Variants in KCNJ3 observed in about 807,000 individuals in gnomAD.
KCNJ3 encodes the protein G protein-activated inward rectifier potassium channel 1.
Under a neutral mutation model 39.2 loss-of-function variants are expected in KCNJ3, and 4 were observed. That is an observed-to-expected ratio of 0.10 (90% CI 0.05 to 0.23). The LOEUF is 0.23. Among genes scored for constraint, KCNJ3 ranks in the 10% least tolerant of loss-of-function variants. The pLI is 1.00. For synonymous variants in KCNJ3, 230 were observed against 237.4 expected, an observed-to-expected ratio of 0.97 and a Z score of 0.29; for missense variants, 276 against 634.9, an observed-to-expected ratio of 0.43 and a Z score of 6.08.
intron 2 of KCNJ3, among the ~76,000 whole-genome samples, chr2:154,775,821 T>C (rs1558871077): frequency 6.6e-6 from 1 of 152,130 alleles, no homozygotes; most frequent in Non-Finnish European, 1.5e-5. Context: ...TTTGGGAAGA[T>C]ATAAAAAGTA....
At position 154,698,847 on chromosome 2, in the gene KCNJ3, G is replaced by A; in HGVS notation, c.72G>A (p.Leu24=). The A allele has an allele frequency of 1.2e-6, 2 of 1,614,180 alleles. No individual in the cohort carries two copies. The highest frequency in any genetic ancestry group is 1.7e-6 in the Non-Finnish European group (2 of 1,180,030). Residue 24 remains leucine, a synonymous_variant, in exon 1 of 3, where the codon TTG becomes TTA. Transcript: ENST00000295101. ...CCACATCGTCCAGCGGCTCGGGCTT[G>A]CAGCCCCAGGGGCCAGGCCAGGACC... ...VVTTSSSGSG[L]QPQGPGQDPQ... is the part of the protein sequence containing the mutation.
Position 154,800,912 on chromosome 2 carries a change from C to T in KCNJ3, c.920-53815C>T, listed in dbSNP as rs187345903. Among the ~76,000 whole-genome samples, 29 of 152,282 alleles carry T rather than the reference C, an allele frequency of 1.9e-4. No individual in the cohort carries two copies. In the East Asian group the frequency reaches 5.6e-3, roughly 29 times the overall value. On this transcript the variant is annotated intron_variant, in intron 2 of 2. Coordinates refer to ENST00000295101, the MANE Select transcript of KCNJ3 (RefSeq NM_002239.4). ...AATGCAGAATTCTTGGCGGTACCATCGCCATCAAAAGAACAAGCTCCTTGG... is the reference window on the plus strand; with the variant it reads ...AATGCAGAATTCTTGGCGGTACCATTGCCATCAAAAGAACAAGCTCCTTGG...
At chr2:154,723,341 T>C (rs1685295974) in intron 2 of KCNJ3, among the ~76,000 whole-genome samples, 1 of 152,028 alleles carries the variant, frequency 6.6e-6, no homozygotes, top group Non-Finnish European at 1.5e-5. Context: ...TTTCTAAATT[T>C]AGGTTTGGAC....
At chr2:154,711,760 T>C (rs148023191) in intron 2 of KCNJ3, among the ~76,000 whole-genome samples, 70 of 152,276 alleles carry the variant, frequency 4.6e-4, no homozygotes, top group African/African-American at 1.7e-3. Context: ...AGGTTGTTTG[T>C]AAATTTTACC....
At chr2:154,778,123 T>C (rs1470788066) in intron 2 of KCNJ3, among the ~76,000 whole-genome samples, 1 of 152,190 alleles carries the variant, frequency 6.6e-6, no homozygotes, top group Non-Finnish European at 1.5e-5. Context: ...TAAATCTTTA[T>C]TGAAGAGTCC....
intron 2 of KCNJ3, among the ~76,000 whole-genome samples, chr2:154,726,819 AC>A (rs2105164039): frequency 6.6e-6 from 1 of 150,784 alleles, no homozygotes; most frequent in African/African-American, 2.5e-5. Context: ...ACACACACAC[AC>A]ACACACACAC....
intron 2 of KCNJ3, among the ~76,000 whole-genome samples, chr2:154,853,562 C>G (rs371640625): frequency 6.6e-6 from 1 of 151,984 alleles, no homozygotes. Flanking sequence ...TAAAATTCAT[C>G]ATTATCTTAC....
At chr2:154,808,288 C>G (rs988996819) in intron 2 of KCNJ3, among the ~76,000 whole-genome samples, 1 of 151,890 alleles carries the variant, frequency 6.6e-6, no homozygotes, top group Non-Finnish European at 1.5e-5. Context: ...ACCATGTTGG[C>G]TAGGGTGGTC....
At chr2:154,791,909 G>A (rs1285183966) in intron 2 of KCNJ3, among the ~76,000 whole-genome samples, 3 of 152,082 alleles carry the variant, frequency 2.0e-5, no homozygotes, top group Non-Finnish European at 2.9e-5. Flanking sequence ...ATAAGGCCCA[G>A]AGATTGCATT....
intron 2 of KCNJ3, among the ~76,000 whole-genome samples, chr2:154,796,523 C>G (rs892466545): frequency 2.0e-5 from 3 of 152,054 alleles, no homozygotes; most frequent in African/African-American, 7.2e-5. Context: ...AGTTGAGGAT[C>G]CTGGGTCATG....
chr2:154,830,774 T>C lies in KCNJ3; in HGVS notation c.920-23953T>C, dbSNP rs568421405. Among the ~76,000 whole-genome samples the C allele has an allele frequency of 7.1e-3, 1,026 of 144,450 alleles. 15 individuals are homozygous for C. The highest frequency in any genetic ancestry group is 0.024 in the African/African-American group (965 of 40,598). 94.8% of individuals were successfully genotyped at this position (144,450 alleles called of 152,430 possible). A position where few individuals can be genotyped will look rare whatever the true frequency, so the allele number is the denominator to read the frequency against. ...AGAATGATTATTTTTCTCATTCTAC[T>C]GGCTGCTAAGACTGTTGGCAGGGAT... On this transcript the variant is annotated intron_variant, in intron 2 of 2. Transcript: ENST00000295101.
chr2:154,762,600 T>C (rs1289223827), intron 2 of KCNJ3, among the ~76,000 whole-genome samples: 2 of 152,198 alleles, frequency 1.3e-5, no homozygotes, highest in African/African-American at 2.4e-5. Flanking sequence ...TTTCCTTTTT[T>C]TAAAATAGGG....
At chr2:154,722,477 A>G (rs886608277) in intron 2 of KCNJ3, among the ~76,000 whole-genome samples, 11 of 152,194 alleles carry the variant, frequency 7.2e-5, no homozygotes, top group African/African-American at 2.4e-4. Flanking sequence ...CTCAAGTGTA[A>G]GAGAAGAGAA....
intron 2 of KCNJ3, among the ~76,000 whole-genome samples, chr2:154,769,521 A>G (rs2105195036): frequency 6.6e-6 from 1 of 152,332 alleles, no homozygotes; most frequent in Middle Eastern, 3.4e-3. Context: ...CCAGCCTTAC[A>G]TCCCACGGAT....
At chr2:154,819,601 GCTCACTGCAAC>G (rs1389043279) in intron 2 of KCNJ3, among the ~76,000 whole-genome samples, 1 of 151,866 alleles carries the variant, frequency 6.6e-6, no homozygotes, top group African/African-American at 2.4e-5. Context: ...CATGATCTCG[GCTCACTGCAAC>G]CTCTGCCTCC....
intron 2 of KCNJ3, among the ~76,000 whole-genome samples, chr2:154,735,854 A>AAACT (rs1231576569): frequency 2.0e-5 from 3 of 152,232 alleles, no homozygotes; most frequent in Non-Finnish European, 4.4e-5. Context: ...AAGCAAAAGA[A>AAACT]AACTGAGTAA....
chr2:154,786,195 C>T (rs960309732), intron 2 of KCNJ3, among the ~76,000 whole-genome samples: 1 of 152,136 alleles, frequency 6.6e-6, no homozygotes, highest in Non-Finnish European at 1.5e-5. Flanking sequence ...GTTTTGACTA[C>T]ATTTATTTAG....
intron 2 of KCNJ3, among the ~76,000 whole-genome samples, chr2:154,758,994 G>T (rs1309909235): frequency 1.3e-5 from 2 of 152,132 alleles, no homozygotes; most frequent in African/African-American, 4.8e-5. Context: ...ATTTGCCCTA[G>T]AGGCCTCTAA....
chr2:154,709,623 T>C lies in KCNJ3; in HGVS notation c.723T>C (p.Gly241=). ...TCTAGTCTCGGCAGACACCTGAGGGTGAGTTCCTTCCCCTTGACCAACTTG... is the reference window on the plus strand; with the variant it reads ...TCTAGTCTCGGCAGACACCTGAGGGCGAGTTCCTTCCCCTTGACCAACTTG... The part of the protein sequence containing the change: ...KLLKSRQTPE[G]EFLPLDQLEL... Residue 241 remains glycine, a synonymous_variant, in exon 2 of 3, where the codon GGT becomes GGC. Coordinates refer to ENST00000295101, the MANE Select transcript of KCNJ3 (RefSeq NM_002239.4). 1 of 1,613,808 alleles carries C rather than the reference T, an allele frequency of 6.2e-7. No individual in the cohort carries two copies. The highest frequency in any genetic ancestry group is 1.7e-4 in the Middle Eastern group (1 of 6,052).
Sources: gnomAD v4.1 joint callset for allele counts (sites outside exome capture counted in the v4.1 genomes callset) on GRCh38, gnomAD v4.1.1 for gene constraint, MANE v1.5 for transcripts, NCBI Gene and HGNC (gene_info 2026-07-23, HGNC 2026-07-21) for gene names.